The following PSEN1 variants were observed in gnomAD, a reference collection of about 807,000 sequenced individuals.
PSEN1 encodes presenilin 1, also known as presenilin-1.
A neutral mutation model predicts 53.5 loss-of-function variants in PSEN1; 15 were observed. That is an observed-to-expected ratio of 0.28 (90% CI 0.19 to 0.43). The LOEUF (loss-of-function observed/expected upper bound fraction) is 0.43. Ranked by LOEUF, PSEN1 falls within the 20% of genes least tolerant of loss-of-function variation. PSEN1 has a pLI of 1.00. For synonymous variants in PSEN1, 208 were observed against 209.8 expected, an observed-to-expected ratio of 0.99 and a Z score of 0.08; for missense variants, 387 against 571.2, an observed-to-expected ratio of 0.68 and a Z score of 3.29.
At chr14:73,190,306 G>T (rs961166851) in intron 6 of PSEN1, among the ~76,000 whole-genome samples, 2 of 151,416 alleles carry the variant, frequency 1.3e-5, no homozygotes, top group African/African-American at 4.9e-5. Flanking sequence ...TGGGCAACAT[G>T]GTTGAAACTC....
At chr14:73,150,565 C>T (rs1173812311) in intron 3 of PSEN1, among the ~76,000 whole-genome samples, 2 of 149,390 alleles carry the variant, frequency 1.3e-5, no homozygotes, top group Non-Finnish European at 3.0e-5. Flanking sequence ...AGTTCAAGAC[C>T]AGCCTGGCCA....
At chr14:73,202,349 A>G (rs1412437721) in intron 8 of PSEN1, among the ~76,000 whole-genome samples, 1 of 143,568 alleles carries the variant, frequency 7.0e-6, no homozygotes, top group Non-Finnish European at 1.5e-5. Flanking sequence ...CTGCAGCAAC[A>G]TTAAACATGT....
At chr14:73,159,179 ATTT>A (rs35615325) in intron 3 of PSEN1, among the ~76,000 whole-genome samples, 3 of 142,776 alleles carry the variant, frequency 2.1e-5, no homozygotes, top group Admixed American at 1.4e-4. Flanking sequence ...TGAAGGGCAG[ATTT>A]TTTTTTTTTT....
chr14:73,188,055 A>T (rs557959863), intron 6 of PSEN1, among the ~76,000 whole-genome samples: 1 of 152,106 alleles, frequency 6.6e-6, no homozygotes, highest in East Asian at 1.9e-4. Flanking sequence ...CAGCCCCCTG[A>T]GTAACCGGGA....
At chr14:73,176,187 A>G (rs547974493) in intron 5 of PSEN1, among the ~76,000 whole-genome samples, 1 of 152,374 alleles carries the variant, frequency 6.6e-6, no homozygotes, top group African/African-American at 2.4e-5. Flanking sequence ...TGATGATGAC[A>G]GGTTGTTACC....
chr14:73,142,577 GT>G (rs1896959123), intron 1 of PSEN1, among the ~76,000 whole-genome samples: 1 of 152,224 alleles, frequency 6.6e-6, no homozygotes, highest in Non-Finnish European at 1.5e-5. Flanking sequence ...ACATTGGGAT[GT>G]AGTGAGAGAA....
At chr14:73,139,575 A>T (rs978862133) in intron 1 of PSEN1, among the ~76,000 whole-genome samples, 2 of 152,116 alleles carry the variant, frequency 1.3e-5, no homozygotes, top group Admixed American at 1.3e-4. Flanking sequence ...GCGAGACTCC[A>T]TAAGAAAAAA....
Position 73,222,358 on chromosome 14 carries a change from G to A in PSEN1, c.*3069G>A, listed in dbSNP as rs539160906. ...TAAAAACCCTCCTTTTGCAATAGAT[G>A]CCCAAACAGATGATGTTTATTACTT... On this transcript the variant is annotated 3_prime_UTR_variant, in exon 12 of 12. Transcript: ENST00000324501. 2 of 152,262 alleles carry A rather than the reference G, an allele frequency of 1.3e-5. No individual in the cohort carries two copies. Among genetic ancestry groups the A allele is most frequent in the East Asian group, 3.9e-4 (2 of 5,188 alleles). The allele number at this position is 152,262 out of a possible 1,614,324, so 9.4% of individuals were successfully genotyped here. A position where few individuals can be genotyped will look rare whatever the true frequency, so the allele number is the denominator to read the frequency against.
At chr14:73,206,572 C>T in intron 9 of PSEN1, 100 bp downstream of exon 9, 1 of 805,000 alleles carries the variant, frequency 1.2e-6, no homozygotes, top group Non-Finnish European at 2.1e-6. Flanking sequence ...GTCATAGACT[C>T]CTTTGAGAAT....
intron 3 of PSEN1, among the ~76,000 whole-genome samples, chr14:73,158,335 T>TCTAA (rs1566623167): frequency 6.6e-6 from 1 of 150,724 alleles, no homozygotes; most frequent in East Asian, 1.9e-4. Context: ...TATCTATCTA[T>TCTAA]TTTTAAGACG....
chr14:73,139,685 T>C (rs550147039), intron 1 of PSEN1, among the ~76,000 whole-genome samples: 1 of 152,204 alleles, frequency 6.6e-6, no homozygotes, highest in Non-Finnish European at 1.5e-5. Flanking sequence ...ATCTAACCAG[T>C]ATAAAAATTT....
At position 73,188,735 on chromosome 14, in the gene PSEN1, A is replaced by G. The variant is rs547767835; in HGVS notation, c.548+1815A>G. On this transcript the variant is annotated intron_variant, in intron 6 of 11. Transcript: ENST00000324501. ...TCATAGGGAAGCTAGAAGCTTGCCT[A>G]TTAAGGTCAGGAATGAGATGGAGGT... is the stretch of plus-strand genomic sequence containing the variant. Among the ~76,000 whole-genome samples the G allele has an allele frequency of 3.9e-5, 6 of 152,328 alleles. No homozygotes were observed. The South Asian group carries it at 1.2e-3, about 32-fold the overall frequency.
intron 5 of PSEN1, among the ~76,000 whole-genome samples, chr14:73,177,030 G>A (rs116107724): frequency 0.023 from 3,456 of 152,154 alleles, 132 homozygotes; most frequent in African/African-American, 0.076. Context: ...GGACCTTATT[G>A]CCATTTGACT....
intron 10 of PSEN1, among the ~76,000 whole-genome samples, chr14:73,212,601 A>G (rs572924331): frequency 6.6e-6 from 1 of 152,314 alleles, no homozygotes; most frequent in Admixed American, 6.5e-5. Context: ...AACCTTGTAC[A>G]TTATTATTCC....
intron 9 of PSEN1, chr14:73,208,691 G>A (rs914760798): frequency 2.6e-6 from 1 of 381,426 alleles, no homozygotes; most frequent in Non-Finnish European, 5.2e-6. Context: ...TCCATGGGTG[G>A]CCATGAGCAG....
chr14:73,200,918 G>A (rs1024503554), intron 8 of PSEN1, among the ~76,000 whole-genome samples: 1 of 151,986 alleles, frequency 6.6e-6, no homozygotes, highest in South Asian at 2.1e-4. Context: ...GGGTGTGGTG[G>A]TGCACACTTG....
Position 73,206,477 on chromosome 14 carries a change from G to GT in PSEN1, c.955+6dup. 6.2e-7 allele frequency: 1 copy of GT among 1,601,238 alleles called. No individual in the cohort carries two copies. The highest frequency in any genetic ancestry group is 1.7e-5 in the Admixed American group (1 of 59,996). On this transcript the variant is annotated splice_donor_region_variant and intron_variant, in intron 9 of 11. Coordinates refer to ENST00000324501, the MANE Select transcript of PSEN1 (RefSeq NM_000021.4). ...ATTCCAAGTATAATGCAGAAAGTAG[G>GT]TAACTTTTATTAGATAATATCTTGA...
intron 10 of PSEN1, among the ~76,000 whole-genome samples, chr14:73,213,158 A>G (rs1205321727): frequency 6.6e-6 from 1 of 152,164 alleles, no homozygotes; most frequent in African/African-American, 2.4e-5. Context: ...GGAAAAGTAG[A>G]CGTATCTGCC....
At chr14:73,208,553 C>A (rs1222249326) in intron 9 of PSEN1, among the ~76,000 whole-genome samples, 1 of 151,682 alleles carries the variant, frequency 6.6e-6, no homozygotes, top group South Asian at 2.1e-4. Flanking sequence ...TCTCTGCAGC[C>A]CTCAGTGGAG....
Sources: gnomAD v4.1 joint callset for allele counts (sites outside exome capture counted in the v4.1 genomes callset) on GRCh38, gnomAD v4.1.1 for gene constraint, MANE v1.5 for transcripts, NCBI Gene and HGNC (gene_info 2026-07-23, HGNC 2026-07-21) for gene names.